The following TOGARAM1 variants were observed in gnomAD, a reference collection of about 807,000 sequenced individuals.
TOGARAM1 encodes TOG array regulator of axonemal microtubules 1, also known as TOG array regulator of axonemal microtubules protein 1.
Under a neutral mutation model 166.6 loss-of-function variants are expected in TOGARAM1, and 100 were observed. The ratio of observed to expected loss-of-function variants is 0.60; its 90% CI spans 0.51 to 0.71. The LOEUF (loss-of-function observed/expected upper bound fraction) is 0.71. Among genes scored for constraint, TOGARAM1 ranks in the 30% least tolerant of loss-of-function variants. The pLI is 0.00. For missense variants in TOGARAM1, 2,029 were observed against 2,102.7 expected, an observed-to-expected ratio of 0.96 and a Z score of 0.69; for synonymous variants, 758 against 763.8, an observed-to-expected ratio of 0.99 and a Z score of 0.13.
At position 45,066,602 on chromosome 14, in the gene TOGARAM1, C is replaced by A; in HGVS notation, c.4584C>A (p.Val1528=). 2 of 1,608,478 alleles carry A rather than the reference C, an allele frequency of 1.2e-6. No individual in the cohort carries two copies. The highest frequency in any genetic ancestry group is 2.2e-5 in the South Asian group (2 of 90,320). ...GAGCTGTAACTGAAGTTCGTGAAGT[C>A]ACCAGAAAATCAGTCCCTCGTAATT... ...AERAVTEVRE[V]TRKSVPRNSL... The change falls in exon 17 of 20, where the codon GTC becomes GTA. Residue 1528 remains valine (V), a synonymous_variant. Coordinates refer to ENST00000361462, the MANE Select transcript of TOGARAM1 (RefSeq NM_001308120.2).
At chr14:44,997,651 A>G (rs1887489169) in intron 2 of TOGARAM1, among the ~76,000 whole-genome samples, 1 of 152,148 alleles carries the variant, frequency 6.6e-6, no homozygotes, top group African/African-American at 2.4e-5. Context: ...AGGAGAGCAT[A>G]GGAAGAAACT....
At chr14:45,046,483 A>G (rs1594689284) in intron 13 of TOGARAM1, 62 bp from the exon 14 acceptor site, 1 of 1,236,822 alleles carries the variant, frequency 8.1e-7, no homozygotes, top group Middle Eastern at 2.1e-4. Context: ...CCATAGATCC[A>G]TAGATCTTTG....
rs1422746813 is a variant in TOGARAM1, at chr14:45,068,552, T to C, written c.4878T>C (p.Ile1626=). The C allele has an allele frequency of 6.2e-7, 1 of 1,613,396 alleles. No individual in the cohort carries two copies. The highest frequency in any genetic ancestry group is 8.5e-7 in the Non-Finnish European group (1 of 1,179,722). The change falls in exon 18 of 20, where the codon ATT becomes ATC. Residue 1626 remains isoleucine, a synonymous_variant. Transcript: ENST00000361462. ...DHLSPIINML[I]PAIVDNNLNS... is the part of the protein sequence containing the mutation. ...TATCTCCTATAATCAACATGCTAAT[T>C]CCAGCAATAGTGGATAACAATCTGA... is the stretch of plus-strand genomic sequence containing the variant.
intron 16 of TOGARAM1, 76 bp downstream of exon 16, chr14:45,054,625 C>G: frequency 9.0e-7 from 1 of 1,112,458 alleles, no homozygotes; most frequent in East Asian, 2.5e-5. Flanking sequence ...TTTTCATAAA[C>G]TACCCCAGGG....
At chr14:44,998,890 C>T (rs907948773) in intron 2 of TOGARAM1, among the ~76,000 whole-genome samples, 11 of 151,840 alleles carry the variant, frequency 7.2e-5, no homozygotes, top group Admixed American at 2.6e-4. Flanking sequence ...TTAGAATCTG[C>T]GTGAATACTG....
chr14:44,993,810 A>T (rs1295715125), intron 1 of TOGARAM1, among the ~76,000 whole-genome samples: 1 of 152,134 alleles, frequency 6.6e-6, no homozygotes, highest in Non-Finnish European at 1.5e-5. Flanking sequence ...CATCAACATT[A>T]CCACCTCCAC....
intron 1 of TOGARAM1, among the ~76,000 whole-genome samples, chr14:44,966,664 C>T (rs1430283376): frequency 6.6e-6 from 1 of 151,974 alleles, no homozygotes; most frequent in Non-Finnish European, 1.5e-5. Context: ...TAGTGGCTGG[C>T]TCCTGTGTCC....
chr14:44,962,910 C>G lies in TOGARAM1; in HGVS notation c.489C>G (p.Leu163=), dbSNP rs1486129685. The G allele has an allele frequency of 6.2e-7, 1 of 1,614,088 alleles. No homozygotes were observed. Among genetic ancestry groups the G allele is most frequent in the African/African-American group, 1.3e-5 (1 of 75,032 alleles). The change falls in exon 1 of 20, where the codon CTC becomes CTG. Residue 163 remains leucine, a synonymous_variant. Coordinates refer to ENST00000361462, the MANE Select transcript of TOGARAM1 (RefSeq NM_001308120.2). ...GCTTGCAACTTCTCTCGGACGTTCTCCGGGGTCAGGGGGAGGCAGGCCAGC... is the reference window on the plus strand; with the variant it reads ...GCTTGCAACTTCTCTCGGACGTTCTGCGGGGTCAGGGGGAGGCAGGCCAGC... ...RLCLQLLSDV[L]RGQGEAGQLE...
intron 1 of TOGARAM1, among the ~76,000 whole-genome samples, chr14:44,978,482 C>A (rs1293458087): frequency 6.6e-6 from 1 of 152,128 alleles, no homozygotes; most frequent in Non-Finnish European, 1.5e-5. Flanking sequence ...ATTTAAACAT[C>A]AAATTACTGA....
intron 3 of TOGARAM1, among the ~76,000 whole-genome samples, chr14:44,999,936 T>TCA (rs1402059794): frequency 2.0e-5 from 3 of 152,194 alleles, no homozygotes; most frequent in Non-Finnish European, 4.4e-5. Context: ...TTAACTATAG[T>TCA]CACCTTATTG....
rs1362892599 is a variant in TOGARAM1, at chr14:44,999,838, C to T, written c.2338+341C>T. ...ATCAAATTAGGCTATTTAGGATATGCATCACCTGAAACATTTGTCATTTCT... is the reference window on the plus strand; with the variant it reads ...ATCAAATTAGGCTATTTAGGATATGTATCACCTGAAACATTTGTCATTTCT... On this transcript the variant is annotated intron_variant, in intron 3 of 19. Transcript: ENST00000361462. Among the ~76,000 whole-genome samples, 12 of 152,180 alleles carry T rather than the reference C, an allele frequency of 7.9e-5. No homozygotes were observed. The South Asian group carries it at 8.3e-4, about 11-fold the overall frequency.
intron 11 of TOGARAM1, among the ~76,000 whole-genome samples, chr14:45,036,130 TAAAAA>T (rs770145117): frequency 3.8e-4 from 11 of 29,180 alleles, no homozygotes; most frequent in African/African-American, 9.1e-4. Flanking sequence ...ACCTTGTCTC[TAAAAA>T]AAAAAAAAAA....
Position 45,073,570 on chromosome 14 carries a change from T to A in TOGARAM1, c.*9T>A. Reference sequence around the variant, plus strand: ...TTTTAAATGAATTATGAATCTTCGATAAAATACTGTATGATGAACAAAAGT... The same window carrying A: ...TTTTAAATGAATTATGAATCTTCGAAAAAATACTGTATGATGAACAAAAGT... On this transcript the variant is annotated 3_prime_UTR_variant, in exon 20 of 20. Coordinates refer to ENST00000361462, the MANE Select transcript of TOGARAM1 (RefSeq NM_001308120.2). 6.2e-7 allele frequency: 1 copy of A among 1,607,404 alleles called. No homozygotes were observed. The highest frequency in any genetic ancestry group is 1.1e-5 in the South Asian group (1 of 90,342).
intron 16 of TOGARAM1, 65 bp downstream of exon 16, chr14:45,054,614 GT>G: frequency 8.3e-7 from 1 of 1,207,128 alleles, no homozygotes; most frequent in Non-Finnish European, 1.2e-6. Context: ...TCATTTGGAT[GT>G]TTTCATAAAC....
chr14:44,972,094 G>A (rs545751471), intron 1 of TOGARAM1, among the ~76,000 whole-genome samples: 3 of 152,122 alleles, frequency 2.0e-5, no homozygotes, highest in Admixed American at 2.0e-4. Context: ...AACAGGAAAG[G>A]GGATATCCAA....
chr14:45,016,135 C>G (rs1020048299), intron 7 of TOGARAM1, among the ~76,000 whole-genome samples: 3 of 152,086 alleles, frequency 2.0e-5, no homozygotes. Context: ...GTGGCTGACA[C>G]CTGTAATCCC....
intron 7 of TOGARAM1, among the ~76,000 whole-genome samples, chr14:45,014,415 A>G (rs1483037093): frequency 6.6e-6 from 1 of 152,192 alleles, no homozygotes; most frequent in Non-Finnish European, 1.5e-5. Context: ...TAAGTAAATT[A>G]GGTATTTCTA....
Position 45,046,613 on chromosome 14 carries a change from C to T in TOGARAM1, c.4223C>T (p.Pro1408Leu). 1 of 1,420,580 alleles carries T rather than the reference C, an allele frequency of 7.0e-7. No homozygotes were observed. The highest frequency in any genetic ancestry group is 2.7e-5 in the East Asian group (1 of 37,142). 88.0% of individuals were successfully genotyped at this position (1,420,580 alleles called of 1,614,324 possible). A position where few individuals can be genotyped will look rare whatever the true frequency, so the allele number is the denominator to read the frequency against. The change falls in exon 14 of 20, where the codon CCA becomes CTA. Residue 1408 changes from proline (P) to leucine (L), a missense_variant. This residue lies in a region of TOGARAM1 where 576 missense variants were observed against 670.5 expected (regional missense o/e 0.86). Coordinates refer to ENST00000361462, the MANE Select transcript of TOGARAM1 (RefSeq NM_001308120.2). ...TCAGATGTATTGGAATTTATGGAAC[C>T]AGAACGTATTTTATCTGCAGCAAAG... ...HLSDVLEFME[P>L]ERILSAAKDM...
At chr14:44,987,083 T>G (rs1442225891) in intron 1 of TOGARAM1, among the ~76,000 whole-genome samples, 2 of 151,764 alleles carry the variant, frequency 1.3e-5, no homozygotes, top group East Asian at 2.0e-4. Flanking sequence ...CACAGTTTAG[T>G]TTTAGCCTGC....
Sources: gnomAD v4.1 joint callset for allele counts (sites outside exome capture counted in the v4.1 genomes callset) on GRCh38, gnomAD v4.1.1 for gene constraint, gnomAD v4.1.1 regional missense constraint, MANE v1.5 for transcripts, NCBI Gene and HGNC (gene_info 2026-07-23, HGNC 2026-07-21) for gene names.